Variants in PTPRE observed in about 807,000 individuals in gnomAD.
PTPRE encodes the protein protein tyrosine phosphatase receptor type E, also known as receptor-type tyrosine-protein phosphatase epsilon.
A neutral mutation model predicts 102.0 loss-of-function variants in PTPRE; 51 were observed. The observed-to-expected ratio is 0.50, with a 90% CI of 0.40 to 0.63. PTPRE has a LOEUF of 0.63. PTPRE is among the 30% of genes least tolerant of loss of function. PTPRE has a pLI of 0.00. For missense variants in PTPRE, 752 were observed against 915.1 expected (o/e 0.82, Z 2.30); for synonymous variants, 345 against 348.2 (o/e 0.99, Z 0.10).
chr10:127,916,654 G>A (rs560310242), intron 1 of PTPRE, among the ~76,000 whole-genome samples: 2 of 152,294 alleles, frequency 1.3e-5, no homozygotes, highest in African/African-American at 4.8e-5. Flanking sequence ...TGTCCTGTCT[G>A]GGGAAGAGCA....
chr10:128,065,945 C>G, intron 10 of PTPRE, 130 bp from the exon 11 acceptor site: 1 of 1,370,252 alleles, frequency 7.3e-7, no homozygotes, highest in South Asian at 1.2e-5. Context: ...CACACGTGAA[C>G]TTGTTTCTCA....
rs1327656320 is a variant in PTPRE, at chr10:128,084,198, T to C, written c.*1292T>C. ...TACCAACACTGAATCTTACAGCAGTTATCTTTCTATGGCCATTAGGTACCT... is the reference window on the plus strand; with the variant it reads ...TACCAACACTGAATCTTACAGCAGTCATCTTTCTATGGCCATTAGGTACCT... On this transcript the variant is annotated 3_prime_UTR_variant, in exon 21 of 21. Transcript: ENST00000254667. 6.6e-6 allele frequency: 1 copy of C among 151,828 alleles called. No homozygotes were observed. The highest frequency in any genetic ancestry group is 1.5e-5 in the Non-Finnish European group (1 of 67,958). The allele number at this position is 151,828 out of a possible 1,614,324, so 9.4% of individuals were successfully genotyped here.
chr10:128,047,753 G>A lies in PTPRE; in HGVS notation c.210-11G>A, dbSNP rs1848225015. 6.2e-7 allele frequency: 1 copy of A among 1,611,688 alleles called. No individual in the cohort carries two copies. The highest frequency in any genetic ancestry group is 1.7e-5 in the Admixed American group (1 of 59,946). Reference sequence around the variant, plus strand: ...GAAGTGTGGAAACCTAACGCATCCTGTGTCTCTAAGGTTCAGGAAGCAGAG... The same window carrying A: ...GAAGTGTGGAAACCTAACGCATCCTATGTCTCTAAGGTTCAGGAAGCAGAG... On this transcript the variant is annotated splice_polypyrimidine_tract_variant and intron_variant, in intron 4 of 20. Transcript: ENST00000254667.
In PTPRE at chr10:128,008,098, G is replaced by C. The variant is rs960115763; in HGVS notation, c.-8+25802G>C. Among the ~76,000 whole-genome samples the C allele has an allele frequency of 6.6e-6, 1 of 152,186 alleles. No homozygotes were observed. Among genetic ancestry groups the C allele is most frequent in the Non-Finnish European group, 1.5e-5 (1 of 68,028 alleles). On this transcript the variant is annotated intron_variant, in intron 2 of 20. Transcript: ENST00000254667. This position sits in a 1 kb window ranked among gnomAD's most constrained non-coding sequence, Gnocchi z 4.0. ...TCTCACCACTGGGGAGGCACAGGAG[G>C]CACCACGCCACGTGTGCCTGTCTGC...
chr10:128,077,047 C>T (rs1470547094), intron 18 of PTPRE, among the ~76,000 whole-genome samples: 8 of 152,180 alleles, frequency 5.3e-5, no homozygotes, highest in Admixed American at 5.2e-4. Flanking sequence ...TCTCAGAGCC[C>T]CCCAACTGTC....
At chr10:127,969,739 C>T (rs7075637) in intron 1 of PTPRE, among the ~76,000 whole-genome samples, 5,183 of 151,616 alleles carry the variant, frequency 0.034, 319 homozygotes, top group African/African-American at 0.12. Context: ...TCATATCACA[C>T]GTAAAGGAGA....
At chr10:127,935,506 C>T (rs922755774) in intron 1 of PTPRE, among the ~76,000 whole-genome samples, 1 of 152,114 alleles carries the variant, frequency 6.6e-6, no homozygotes, top group Non-Finnish European at 1.5e-5. Context: ...GTTTGTGACT[C>T]AGCTCCTCCC....
intron 12 of PTPRE, 140 bp from the exon 13 acceptor site, chr10:128,069,552 G>T: frequency 2.6e-6 from 3 of 1,147,798 alleles, no homozygotes; most frequent in Admixed American, 2.3e-5. Context: ...TCTGGTGGCT[G>T]CACTGTAGCT....
intron 1 of PTPRE, among the ~76,000 whole-genome samples, chr10:127,974,613 A>AT (rs1018191645): frequency 2.0e-5 from 3 of 151,968 alleles, no homozygotes; most frequent in South Asian, 2.1e-4. Flanking sequence ...CTGTCCATGT[A>AT]TTTTTTTTAA....
intron 1 of PTPRE, among the ~76,000 whole-genome samples, chr10:127,939,272 A>G (rs996785423): frequency 2.6e-4 from 39 of 152,334 alleles, no homozygotes; most frequent in African/African-American, 9.1e-4. Context: ...TAAAGAATTC[A>G]TCTTGGAATC....
intron 2 of PTPRE, among the ~76,000 whole-genome samples, chr10:127,987,749 C>T (rs536538878): frequency 3.3e-5 from 5 of 152,300 alleles, no homozygotes; most frequent in South Asian, 2.1e-4. Flanking sequence ...GGACATAGGC[C>T]GGCTCGATGA....
In PTPRE at chr10:128,077,653, C is replaced by T. The variant is rs971951374; in HGVS notation, c.1762C>T (p.Arg588Cys). Reference sequence around the variant, plus strand: ...CCAGGAGGAGCAGGTCCGAGTAGTGCGCCAGTTTCACTTCCACGGCTGGCC... The same window carrying T: ...CCAGGAGGAGCAGGTCCGAGTAGTGTGCCAGTTTCACTTCCACGGCTGGCC... ...ARQEEQVRVV[R>C]QFHFHGWPEI... The change falls in exon 19 of 21, where the codon CGC becomes TGC. Residue 588 changes from arginine to cysteine, a missense_variant. By Grantham distance (180) the Arg-to-Cys change is radical (BLOSUM62 -3). Coordinates refer to ENST00000254667, the MANE Select transcript of PTPRE (RefSeq NM_006504.6). 11 of 1,613,288 alleles carry T rather than the reference C, an allele frequency of 6.8e-6. No individual in the cohort carries two copies. Among genetic ancestry groups the T allele is most frequent in the East Asian group, 6.7e-5 (3 of 44,870 alleles).
At chr10:128,076,054 G>A (rs754560110) in intron 17 of PTPRE, among the ~76,000 whole-genome samples, 5 of 152,216 alleles carry the variant, frequency 3.3e-5, no homozygotes, top group African/African-American at 4.8e-5. Flanking sequence ...GTAATCCAAT[G>A]TTTCAAATTG....
intron 2 of PTPRE, among the ~76,000 whole-genome samples, chr10:128,025,158 CAAA>C (rs71472683): frequency 9.1e-5 from 6 of 65,788 alleles, no homozygotes; most frequent in East Asian, 9.0e-4. Flanking sequence ...GATCCTGTCT[CAAA>C]AAAAAAAAAA....
intron 2 of PTPRE, among the ~76,000 whole-genome samples, chr10:127,984,202 C>G (rs1340141337): frequency 6.6e-6 from 1 of 151,920 alleles, no homozygotes; most frequent in Non-Finnish European, 1.5e-5. Context: ...CTGCCTCAGC[C>G]TCCCGAGTAG....
intron 10 of PTPRE, among the ~76,000 whole-genome samples, chr10:128,063,885 G>C (rs1025387831): frequency 1.3e-5 from 2 of 152,158 alleles, no homozygotes; most frequent in Non-Finnish European, 2.9e-5. Context: ...TAGGCAGTGA[G>C]CTCACTCTCC....
chr10:128,022,021 G>A (rs535407245), intron 2 of PTPRE, among the ~76,000 whole-genome samples: 12 of 152,338 alleles, frequency 7.9e-5, no homozygotes, highest in African/African-American at 2.2e-4. Context: ...TCCCCTGGAC[G>A]CGGTAATGGA....
chr10:128,059,857 A>G (rs1262543653), intron 7 of PTPRE, among the ~76,000 whole-genome samples: 3 of 152,186 alleles, frequency 2.0e-5, no homozygotes, highest in African/African-American at 7.2e-5. Flanking sequence ...AGTTCTATGG[A>G]GGAAGCTGCA....
At chr10:127,992,810 T>G (rs1247574402) in intron 2 of PTPRE, among the ~76,000 whole-genome samples, 2 of 152,172 alleles carry the variant, frequency 1.3e-5, no homozygotes, top group East Asian at 1.9e-4. Flanking sequence ...AAATACCTCT[T>G]CAGAAACTCA....
Sources: allele counts gnomAD v4.1 joint callset (sites outside exome capture counted in the v4.1 genomes callset), GRCh38; gene constraint gnomAD v4.1.1; non-coding constraint Gnocchi (gnomAD v3.1); transcripts MANE v1.5; gene names NCBI Gene and HGNC (gene_info 2026-07-23, HGNC 2026-07-21).